The following DPP6 variants were observed in gnomAD, a reference collection of about 807,000 sequenced individuals.
DPP6 encodes dipeptidyl peptidase like 6.
DPP6 carries 69 observed loss-of-function variants against 122.6 expected under a neutral mutation model. The ratio of observed to expected loss-of-function variants is 0.56; its 90% CI spans 0.46 to 0.69. DPP6 has a LOEUF of 0.69. Ranked by LOEUF, DPP6 falls within the 30% of genes least tolerant of loss-of-function variation. The pLI, the probability that DPP6 is intolerant of heterozygous loss-of-function variation, is 0.00. For synonymous variants in DPP6, 418 were observed against 433.1 expected, an observed-to-expected ratio of 0.97 and a Z score of 0.43; for missense variants, 928 against 1,116.9, an observed-to-expected ratio of 0.83 and a Z score of 2.41.
intron 1 of DPP6, among the ~76,000 whole-genome samples, chr7:153,901,269 T>G (rs1799628762): frequency 6.6e-6 from 1 of 152,184 alleles, no homozygotes; most frequent in Admixed American, 6.5e-5. Flanking sequence ...CTTAGAAATG[T>G]TTTAGGTCCA....
chr7:154,613,111 A>G (rs995583930), intron 5 of DPP6, among the ~76,000 whole-genome samples: 5 of 152,292 alleles, frequency 3.3e-5, no homozygotes, highest in South Asian at 2.1e-4. Context: ...CTCTGCCCTT[A>G]TGACTTAATC....
At chr7:154,810,795 C>A (rs1029567617) in intron 16 of DPP6, among the ~76,000 whole-genome samples, 17 of 152,084 alleles carry the variant, frequency 1.1e-4, no homozygotes, top group Admixed American at 1.1e-3. Flanking sequence ...CACACACACA[C>A]AACTAACCTG....
intron 7 of DPP6, among the ~76,000 whole-genome samples, chr7:154,674,482 T>G (rs1838764795): frequency 6.6e-6 from 1 of 152,144 alleles, no homozygotes; most frequent in Non-Finnish European, 1.5e-5. Flanking sequence ...CATCATCACG[T>G]TTTCCTTTGG....
In DPP6 at chr7:154,415,419, C is replaced by G. The variant is rs1205780949; in HGVS notation, c.244-30795C>G. Among the ~76,000 whole-genome samples, 4 of 152,258 alleles carry G rather than the reference C, an allele frequency of 2.6e-5. No homozygotes were observed. In the South Asian group the frequency reaches 8.3e-4, roughly 32 times the overall value. ...TTGGCTAAAGTTAACTTGCCTTCCT[C>G]AAGCATGCTTAAATTTGGTGTGAGT... On this transcript the variant is annotated intron_variant, in intron 1 of 25. Transcript: ENST00000377770.
At chr7:154,046,126 A>G (rs1355783525) in intron 1 of DPP6, among the ~76,000 whole-genome samples, 1 of 152,168 alleles carries the variant, frequency 6.6e-6, no homozygotes, top group Non-Finnish European at 1.5e-5. Flanking sequence ...GTGCTCCCCA[A>G]TTATCTGGCT....
chr7:154,643,467 C>CCTTT (rs1563052019), intron 6 of DPP6, among the ~76,000 whole-genome samples: 1 of 117,554 alleles, frequency 8.5e-6, no homozygotes, highest in Non-Finnish European at 1.8e-5. Flanking sequence ...TGAGTAATTT[C>CCTTT]TTTTTTTTTT....
chr7:154,800,988 A>G (rs1002681929), intron 12 of DPP6, among the ~76,000 whole-genome samples: 6 of 152,118 alleles, frequency 3.9e-5, no homozygotes, highest in Non-Finnish European at 7.4e-5. Flanking sequence ...TCAATGGGCA[A>G]TAATTCAAGG....
chr7:154,327,417 T>A (rs555345103), intron 1 of DPP6, among the ~76,000 whole-genome samples: 289 of 152,198 alleles, frequency 1.9e-3, no homozygotes, highest in Middle Eastern at 3.4e-3. Flanking sequence ...ACATATATAT[T>A]GATGAAGAAT....
At chr7:154,599,201 A>C (rs1052051760) in intron 5 of DPP6, among the ~76,000 whole-genome samples, 13 of 152,206 alleles carry the variant, frequency 8.5e-5, no homozygotes, top group Non-Finnish European at 1.8e-4. Context: ...AGAACTCAGC[A>C]GTCTCCCCTC....
chr7:153,862,472 A>G, the DPP6 span, among the ~76,000 whole-genome samples: 1 of 152,124 alleles, frequency 6.6e-6, no homozygotes, highest in Admixed American at 6.5e-5. Flanking sequence ...TGTCACCTTC[A>G]CATCACCCAG....
chr7:154,414,830 G>T (rs1461008022), intron 1 of DPP6, among the ~76,000 whole-genome samples: 1 of 152,194 alleles, frequency 6.6e-6, no homozygotes, highest in East Asian at 1.9e-4. Flanking sequence ...ACGGCATGGT[G>T]CCTGGTGTCT....
At chr7:153,810,680 CTCT>C in the DPP6 span, among the ~76,000 whole-genome samples, 3 of 81,804 alleles carry the variant, frequency 3.7e-5, no homozygotes, top group Non-Finnish European at 2.5e-5. Flanking sequence ...TCCTCTCTCT[CTCT>C]CTCTCTCTCT....
At chr7:154,881,449 C>T (rs945271511) in intron 21 of DPP6, among the ~76,000 whole-genome samples, 1 of 152,196 alleles carries the variant, frequency 6.6e-6, no homozygotes, top group African/African-American at 2.4e-5. Context: ...CTGAGGCCCA[C>T]GGTTTGGAGT....
At chr7:154,458,159 C>A (rs992938428) in intron 2 of DPP6, among the ~76,000 whole-genome samples, 5 of 152,174 alleles carry the variant, frequency 3.3e-5, no homozygotes, top group Non-Finnish European at 7.3e-5. Context: ...ACCCAAATCT[C>A]ATCTTGAATT....
intron 6 of DPP6, among the ~76,000 whole-genome samples, chr7:154,666,177 A>ATG (rs199572307): frequency 0.019 from 1,924 of 99,384 alleles, 58 homozygotes; most frequent in African/African-American, 0.074. Context: ...ACATACATAT[A>ATG]TGTGTGTATA....
At chr7:154,575,240 TTGTG>T (rs1400230941) in intron 5 of DPP6, among the ~76,000 whole-genome samples, 4,888 of 97,364 alleles carry the variant, frequency 0.05, 130 homozygotes, top group South Asian at 0.085. Context: ...TGTGTGGTGT[TTGTG>T]TGGTGTGTGT....
At chr7:154,024,986 T>C (rs1330074476) in intron 1 of DPP6, among the ~76,000 whole-genome samples, 1 of 152,210 alleles carries the variant, frequency 6.6e-6, no homozygotes, top group Non-Finnish European at 1.5e-5. Context: ...TTGCATGTCT[T>C]ATATTCTCCA....
At chr7:153,991,582 T>C (rs1797179626) in intron 1 of DPP6, among the ~76,000 whole-genome samples, 1 of 152,214 alleles carries the variant, frequency 6.6e-6, no homozygotes, top group African/African-American at 2.4e-5. Flanking sequence ...GTGCATTTGC[T>C]TAAATCCAGT....
At chr7:153,853,919 C>A in the DPP6 span, among the ~76,000 whole-genome samples, 31 of 149,048 alleles carry the variant, frequency 2.1e-4, no homozygotes, top group South Asian at 1.8e-3. Context: ...AAGTCCTTGC[C>A]CATGCCTATG....
Sources: allele counts gnomAD v4.1 joint callset (sites outside exome capture counted in the v4.1 genomes callset), GRCh38; gene constraint gnomAD v4.1.1; transcripts MANE v1.5; gene names NCBI Gene and HGNC (gene_info 2026-07-23, HGNC 2026-07-21).